IMMP2L: variants seen among roughly 807,000 people sequenced by gnomAD.
The protein encoded by IMMP2L is mitochondrial inner membrane protease subunit 2.
IMMP2L carries 18 observed loss-of-function variants against 19.3 expected under a neutral mutation model. That is an observed-to-expected ratio of 0.93 (90% CI 0.64 to 1.38). IMMP2L has a LOEUF of 1.38. IMMP2L is among the 40% of genes most tolerant of loss of function. IMMP2L has a pLI of 0.00. For synonymous variants in IMMP2L, 76 were observed against 73.0 expected, an observed-to-expected ratio of 1.04 and a Z score of -0.21; for missense variants, 233 against 218.2, an observed-to-expected ratio of 1.07 and a Z score of -0.43.
In IMMP2L at chr7:111,561,139, T is replaced by C. The variant is rs1376847419; in HGVS notation, c.-3+712A>G. On this transcript the variant is annotated intron_variant, in intron 1 of 5. Coordinates refer to ENST00000405709, the MANE Select transcript of IMMP2L (RefSeq NM_032549.4). Reference sequence around the variant, plus strand: ...GGGAAGCAGTGTATTAAAGAAGTGATAGAAAAGTCCCACAGAAGAACCAAT... The same window carrying C: ...GGGAAGCAGTGTATTAAAGAAGTGACAGAAAAGTCCCACAGAAGAACCAAT... Among the ~76,000 whole-genome samples, 3 of 152,152 alleles carry C rather than the reference T, an allele frequency of 2.0e-5. No homozygotes were observed. In the South Asian group the frequency reaches 6.2e-4, roughly 32 times the overall value.
chr7:111,367,293 G>A (rs1026813528), intron 3 of IMMP2L, among the ~76,000 whole-genome samples: 2 of 151,762 alleles, frequency 1.3e-5, no homozygotes, highest in Non-Finnish European at 2.9e-5. Flanking sequence ...ACTACAATAA[G>A]AATACGAAGA....
intron 5 of IMMP2L, among the ~76,000 whole-genome samples, chr7:110,814,221 T>G (rs1802271122): frequency 6.6e-6 from 1 of 151,996 alleles, no homozygotes; most frequent in South Asian, 2.1e-4. Context: ...AGAATTTTTC[T>G]TATGTCACAG....
chr7:111,114,886 C>T (rs972723839), intron 3 of IMMP2L, among the ~76,000 whole-genome samples: 1 of 152,038 alleles, frequency 6.6e-6, no homozygotes, highest in Non-Finnish European at 1.5e-5. Flanking sequence ...GTCACGAGGT[C>T]TCCTCCTAAC....
intron 3 of IMMP2L, among the ~76,000 whole-genome samples, chr7:111,137,983 C>A (rs1204510900): frequency 1.3e-5 from 2 of 152,094 alleles, no homozygotes; most frequent in Non-Finnish European, 2.9e-5. Flanking sequence ...AGCCACCACA[C>A]CCAGCTAATT....
rs1563363820 is a variant in IMMP2L, at chr7:111,562,151, G to C, written c.-303C>G. Reference sequence around the variant, plus strand: ...GAGGAGCGGGCCAGCTCCGGGCCAGGTGTGCCGCCTGTGGCGCCGGTTTCT... The same window carrying C: ...GAGGAGCGGGCCAGCTCCGGGCCAGCTGTGCCGCCTGTGGCGCCGGTTTCT... On this transcript the variant is annotated 5_prime_UTR_variant, in exon 1 of 6. Coordinates refer to ENST00000405709, the MANE Select transcript of IMMP2L (RefSeq NM_032549.4). 2 of 152,730 alleles carry C rather than the reference G, an allele frequency of 1.3e-5. No homozygotes were observed. The highest frequency in any genetic ancestry group is 4.1e-4 in the South Asian group (2 of 4,842). 9.5% of individuals were successfully genotyped at this position (152,730 alleles called of 1,614,324 possible).
At chr7:111,438,980 C>T (rs1381823961) in intron 3 of IMMP2L, among the ~76,000 whole-genome samples, 1 of 151,802 alleles carries the variant, frequency 6.6e-6, no homozygotes, top group Non-Finnish European at 1.5e-5. Flanking sequence ...CTCAGAGGAA[C>T]TTTGCATGCA....
rs554975597 is a variant in IMMP2L, at chr7:111,083,364, A to G, written c.240-119799T>C. Among the ~76,000 whole-genome samples, 7 of 152,330 alleles carry G rather than the reference A, an allele frequency of 4.6e-5. No homozygotes were observed. The East Asian group carries it at 7.7e-4, about 17-fold the overall frequency. On this transcript the variant is annotated intron_variant, in intron 3 of 5. Transcript: ENST00000405709. ...ACCTTCACACTATGTTAATCATCCA[A>G]TTAGGAGAATAAAAATATTGTCAAA...
chr7:111,547,910 C>A (rs1849083879), intron 1 of IMMP2L, among the ~76,000 whole-genome samples: 3 of 151,956 alleles, frequency 2.0e-5, no homozygotes, highest in Non-Finnish European at 4.4e-5. Context: ...TTGGGAGACA[C>A]AGGGTTTCAC....
At chr7:111,027,248 G>A (rs112638456) in intron 3 of IMMP2L, among the ~76,000 whole-genome samples, 5,483 of 152,240 alleles carry the variant, frequency 0.036, 148 homozygotes, top group Non-Finnish European at 0.052. Context: ...TAAGGGCTGA[G>A]TTCTCATTTG....
chr7:111,279,917 A>C (rs1819513137), intron 3 of IMMP2L, among the ~76,000 whole-genome samples: 1 of 152,098 alleles, frequency 6.6e-6, no homozygotes, highest in South Asian at 2.1e-4. Flanking sequence ...TGACCTATCC[A>C]GTTTTCTCCA....
At chr7:111,250,414 C>T (rs1490614613) in intron 3 of IMMP2L, among the ~76,000 whole-genome samples, 1 of 152,118 alleles carries the variant, frequency 6.6e-6, no homozygotes, top group Admixed American at 6.5e-5. Context: ...TTTTAAAATT[C>T]ATATGAAACC....
chr7:110,763,107 C>G (rs563314355), intron 5 of IMMP2L, among the ~76,000 whole-genome samples: 1 of 151,870 alleles, frequency 6.6e-6, no homozygotes, highest in South Asian at 2.1e-4. Context: ...TGAAGAAATC[C>G]ACATTGGGTT....
intron 3 of IMMP2L, among the ~76,000 whole-genome samples, chr7:111,017,068 TA>T (rs1825783066): frequency 7.0e-6 from 1 of 143,482 alleles, no homozygotes; most frequent in Admixed American, 7.5e-5. Flanking sequence ...TATGTGCCTT[TA>T]TTTATTTATT....
chr7:110,766,628 G>C (rs1798684720), intron 5 of IMMP2L, among the ~76,000 whole-genome samples: 2 of 149,940 alleles, frequency 1.3e-5, no homozygotes, highest in Non-Finnish European at 3.0e-5. Context: ...TCTTATTTGG[G>C]AATAGGAAAT....
chr7:111,044,821 T>C (rs1792235448), intron 3 of IMMP2L, among the ~76,000 whole-genome samples: 1 of 152,124 alleles, frequency 6.6e-6, no homozygotes. Flanking sequence ...TGAATGACAA[T>C]CTTTTTAAAG....
chr7:110,826,928 A>G (rs1425316293), intron 5 of IMMP2L, among the ~76,000 whole-genome samples: 15 of 152,050 alleles, frequency 9.9e-5, no homozygotes, highest in African/African-American at 3.6e-4. Flanking sequence ...TGAAACTGGT[A>G]TGTATTTTTT....
At chr7:110,688,312 C>A (rs1793256793) in intron 5 of IMMP2L, among the ~76,000 whole-genome samples, 1 of 152,028 alleles carries the variant, frequency 6.6e-6, no homozygotes, top group Non-Finnish European at 1.5e-5. Context: ...TACTCATCAC[C>A]AATTTGAACC....
At chr7:111,194,549 C>T (rs1809264679) in intron 3 of IMMP2L, among the ~76,000 whole-genome samples, 1 of 152,078 alleles carries the variant, frequency 6.6e-6, no homozygotes, top group Non-Finnish European at 1.5e-5. Flanking sequence ...TTAAGAACCT[C>T]ATCTTATTTA....
intron 5 of IMMP2L, among the ~76,000 whole-genome samples, chr7:110,743,541 G>A (rs1797127315): frequency 6.6e-6 from 1 of 152,202 alleles, no homozygotes; most frequent in Non-Finnish European, 1.5e-5. Context: ...TTCCCAGCGA[G>A]ATCGACACAG....
Sources: allele counts gnomAD v4.1 joint callset (sites outside exome capture counted in the v4.1 genomes callset), GRCh38; gene constraint gnomAD v4.1.1; transcripts MANE v1.5; gene names NCBI Gene and HGNC (gene_info 2026-07-23, HGNC 2026-07-21).